Variants in DIAPH1 observed in about 807,000 individuals in gnomAD.
DIAPH1 encodes the protein diaphanous related formin 1, also known as protein diaphanous homolog 1.
DIAPH1 carries 46 observed loss-of-function variants against 140.7 expected under a neutral mutation model. That is an observed-to-expected ratio of 0.33 (90% CI 0.26 to 0.42). The LOEUF (loss-of-function observed/expected upper bound fraction) is 0.42. Among genes scored for constraint, DIAPH1 ranks in the 10% least tolerant of loss-of-function variants. DIAPH1 has a pLI of 1.00. For synonymous variants in DIAPH1, 565 were observed against 551.6 expected (o/e 1.02, Z -0.34); for missense variants, 1,310 against 1,558.7 (o/e 0.84, Z 2.69).
intron 18 of DIAPH1, among the ~76,000 whole-genome samples, chr5:141,566,132 G>A (rs2099894336): frequency 6.6e-6 from 1 of 152,200 alleles, no homozygotes; most frequent in Non-Finnish European, 1.5e-5. Context: ...GGATTAGCGG[G>A]GCTGGAGGCC....
chr5:141,554,494 ATAAT>A (rs2099892252), intron 18 of DIAPH1, among the ~76,000 whole-genome samples: 1 of 150,666 alleles, frequency 6.6e-6, no homozygotes, highest in Admixed American at 6.8e-5. Flanking sequence ...CAAGGAATAA[ATAAT>A]TCCACCAATT....
At chr5:141,592,630 T>C (rs192184861) in intron 1 of DIAPH1, among the ~76,000 whole-genome samples, 4 of 152,180 alleles carry the variant, frequency 2.6e-5, no homozygotes, top group East Asian at 1.9e-4. Context: ...TACCTACATC[T>C]AAATGCATCC....
At chr5:141,586,954 G>A in intron 3 of DIAPH1, 88 bp downstream of exon 3, 1 of 1,365,466 alleles carries the variant, frequency 7.3e-7, no homozygotes, top group Admixed American at 1.7e-5. Flanking sequence ...TTGTAATAAA[G>A]GGCTAGTTGG....
chr5:141,575,169 T>C (rs1198249504), intron 14 of DIAPH1, 23 bp from the exon 15 acceptor site: 5 of 1,613,062 alleles, frequency 3.1e-6, no homozygotes, highest in African/African-American at 1.3e-5. Context: ...CGAATCAGGC[T>C]CCCAGCAAGC....
chr5:141,555,020 C>T (rs2099892343), intron 18 of DIAPH1, among the ~76,000 whole-genome samples: 1 of 151,994 alleles, frequency 6.6e-6, no homozygotes, highest in Admixed American at 6.6e-5. Flanking sequence ...TGGTCTCAGA[C>T]CCTGATTACA....
At chr5:141,586,879 T>C (rs1328870748) in intron 3 of DIAPH1, among the ~76,000 whole-genome samples, 163 bp downstream of exon 3, 6 of 152,196 alleles carry the variant, frequency 3.9e-5, no homozygotes. Flanking sequence ...TATTTGTATA[T>C]TTAGTCCCTA....
chr5:141,522,192 T>C (rs907736823), intron 27 of DIAPH1, among the ~76,000 whole-genome samples: 1 of 152,244 alleles, frequency 6.6e-6, no homozygotes, highest in African/African-American at 2.4e-5. Flanking sequence ...CAAGTGTATT[T>C]AGTGGACCCA....
chr5:141,601,156 A>G (rs1409438098), intron 1 of DIAPH1, among the ~76,000 whole-genome samples: 1 of 152,078 alleles, frequency 6.6e-6, no homozygotes, highest in Non-Finnish European at 1.5e-5. Flanking sequence ...CAGCACACCA[A>G]CATGGCACAT....
In DIAPH1 at chr5:141,582,336, G is replaced by A; in HGVS notation, c.660C>T (p.Cys220=). The part of the protein sequence containing the change: ...DSRNKHEIIR[C]LKAFMNNKFG... ...CCTTGTTGTTCATAAAAGCTTTCAA[G>A]CAGCGAATGATCTCATGCTTGTTCC... Residue 220 remains cysteine (C), a synonymous_variant, in exon 7 of 28, where the codon TGC becomes TGT. Transcript: ENST00000389054. 1 of 1,613,908 alleles carries A rather than the reference G, an allele frequency of 6.2e-7. No homozygotes were observed. The highest frequency in any genetic ancestry group is 8.5e-7 in the Non-Finnish European group (1 of 1,179,810).
chr5:141,517,164 T>G (rs1227310254), intron 27 of DIAPH1, among the ~76,000 whole-genome samples, 156 bp from the exon 28 acceptor site: 2 of 152,150 alleles, frequency 1.3e-5, no homozygotes, highest in Non-Finnish European at 2.9e-5. Flanking sequence ...AGATCCAGCA[T>G]GTGGAATATA....
chr5:141,617,566 T>C (rs2099902887), intron 1 of DIAPH1, among the ~76,000 whole-genome samples: 1 of 152,214 alleles, frequency 6.6e-6, no homozygotes, highest in Middle Eastern at 3.4e-3. Context: ...TGTTGGGAGG[T>C]GGGACTAAGA....
At chr5:141,570,952 T>A (rs2154596174) in intron 18 of DIAPH1, among the ~76,000 whole-genome samples, 1 of 152,132 alleles carries the variant, frequency 6.6e-6, no homozygotes, top group African/African-American at 2.4e-5. Context: ...AGAATTTATA[T>A]AGAAAAAATG....
At chr5:141,556,641 T>C (rs893853166) in intron 18 of DIAPH1, among the ~76,000 whole-genome samples, 3 of 152,156 alleles carry the variant, frequency 2.0e-5, no homozygotes, top group Admixed American at 6.5e-5. Context: ...AGAAGGGAAG[T>C]CTGGCTTTGT....
intron 18 of DIAPH1, among the ~76,000 whole-genome samples, chr5:141,539,431 T>G (rs868429629): frequency 1.3e-5 from 1 of 79,534 alleles, no homozygotes; most frequent in South Asian, 3.2e-4. Context: ...TTTTTTTTTG[T>G]TTTTTTTTTT....
At chr5:141,540,084 G>A (rs185579384) in intron 18 of DIAPH1, among the ~76,000 whole-genome samples, 15 of 151,908 alleles carry the variant, frequency 9.9e-5, no homozygotes, top group Admixed American at 9.8e-4. Flanking sequence ...CCTCTAACCA[G>A]TGCTTTCTGT....
intron 23 of DIAPH1, among the ~76,000 whole-genome samples, chr5:141,528,099 A>C (rs2099887663): frequency 6.6e-6 from 1 of 152,180 alleles, no homozygotes; most frequent in East Asian, 1.9e-4. Flanking sequence ...TTTCCAGTGA[A>C]TGCTGCTTTT....
rs1246965990 is a variant in DIAPH1, at chr5:141,604,906, T to C, written c.117+13892A>G. Reference sequence around the variant, plus strand: ...GGAGGAGGGGAGATGAGCATGAAGATGAAATCTTATTATTTCTCTACCACC... The same window carrying C: ...GGAGGAGGGGAGATGAGCATGAAGACGAAATCTTATTATTTCTCTACCACC... On this transcript the variant is annotated intron_variant, in intron 1 of 27. Coordinates refer to ENST00000389054, the MANE Select transcript of DIAPH1 (RefSeq NM_005219.5). Among the ~76,000 whole-genome samples the C allele has an allele frequency of 3.3e-5, 5 of 152,178 alleles. No individual in the cohort carries two copies. In the East Asian group the frequency reaches 9.6e-4, roughly 29 times the overall value.
chr5:141,547,462 AAAAT>A (rs1236705185), intron 18 of DIAPH1, among the ~76,000 whole-genome samples: 2 of 152,096 alleles, frequency 1.3e-5, no homozygotes, highest in Non-Finnish European at 2.9e-5. Context: ...CTCCGCCTCA[AAAAT>A]AAATAAATAA....
chr5:141,578,529 G>A lies in DIAPH1; in HGVS notation c.1030C>T (p.His344Tyr), dbSNP rs1596383954. 1 of 1,613,840 alleles carries A rather than the reference G, an allele frequency of 6.2e-7. No homozygotes were observed. Among genetic ancestry groups the A allele is most frequent in the Non-Finnish European group, 8.5e-7 (1 of 1,179,748 alleles). The change falls in exon 10 of 28, where the codon CAT (histidine) becomes TAT (tyrosine). Residue 344 changes from histidine to tyrosine, a missense_variant. Physicochemically the swap from His to Tyr is moderately conservative, Grantham distance 83 (BLOSUM62 2). Coordinates refer to ENST00000389054, the MANE Select transcript of DIAPH1 (RefSeq NM_005219.5). Reference protein sequence around the residue: ...IRSELMRLGLHQVLQDLREIE... With the variant: ...IRSELMRLGLYQVLQDLREIE... ...TAATATCTTACCTGCAACACCTGAT[G>A]TAGCCCCAAACGCATCAGTTCACTT...
Sources: gnomAD v4.1 joint callset for allele counts (sites outside exome capture counted in the v4.1 genomes callset) on GRCh38, gnomAD v4.1.1 for gene constraint, MANE v1.5 for transcripts, NCBI Gene and HGNC (gene_info 2026-07-23, HGNC 2026-07-21) for gene names.